The following SEMA3A variants were observed in gnomAD, a reference collection of about 807,000 sequenced individuals.
SEMA3A encodes semaphorin-3A.
A neutral mutation model predicts 97.9 loss-of-function variants in SEMA3A; 29 were observed. The observed-to-expected ratio is 0.30, with a 90% CI of 0.22 to 0.40. The LOEUF is 0.40. SEMA3A is among the 10% of genes least tolerant of loss of function. SEMA3A has a pLI of 1.00. For synonymous variants in SEMA3A, 321 were observed against 323.7 expected (o/e 0.99, Z 0.09); for missense variants, 763 against 951.3 (o/e 0.80, Z 2.60).
chr7:84,384,955 T>C (rs1029573244), intron 1 of SEMA3A, among the ~76,000 whole-genome samples: 1 of 152,028 alleles, frequency 6.6e-6, no homozygotes, highest in East Asian at 1.9e-4. Context: ...ATCTCCAAGA[T>C]CACCCAGAAC....
intron 9 of SEMA3A, among the ~76,000 whole-genome samples, chr7:84,008,393 A>G (rs1584539771): frequency 6.7e-6 from 1 of 149,800 alleles, no homozygotes; most frequent in East Asian, 2.1e-4. Context: ...CGGGAGGCTG[A>G]GGAAGGAGAA....
intron 6 of SEMA3A, among the ~76,000 whole-genome samples, chr7:84,017,466 T>G (rs1791153915): frequency 6.6e-6 from 1 of 152,112 alleles, no homozygotes; most frequent in Admixed American, 6.6e-5. Flanking sequence ...ACCAAATTCA[T>G]TAACACAGAA....
chr7:84,337,707 C>T (rs1228243049), intron 2 of SEMA3A, among the ~76,000 whole-genome samples: 2 of 152,108 alleles, frequency 1.3e-5, no homozygotes, highest in Admixed American at 6.6e-5. Context: ...GATAAAGAAT[C>T]TCCCTAGATC....
intron 1 of SEMA3A, among the ~76,000 whole-genome samples, chr7:84,388,884 T>G (rs1285758944): frequency 1.3e-5 from 2 of 152,048 alleles, no homozygotes; most frequent in African/African-American, 2.4e-5. Flanking sequence ...GCTTCGTTAG[T>G]ATGATTCTAA....
intron 3 of SEMA3A, among the ~76,000 whole-genome samples, chr7:84,115,634 G>A (rs1795400987): frequency 6.6e-6 from 1 of 152,090 alleles, no homozygotes; most frequent in African/African-American, 2.4e-5. Flanking sequence ...CAGGATGTGT[G>A]CCATTCATTT....
rs80181624 is a variant in SEMA3A at position 84,377,639 on chromosome 7, A to G, written c.-245-5739T>C. On this transcript the variant is annotated intron_variant, in intron 1 of 3. Coordinates refer to the SEMA3A transcript ENST00000424555. Reference sequence around the variant, plus strand: ...ATAAGGAATAAGGGACCCTGTTTGAAGCTAAGTAACTTGCCTGAGGTTGTA... The same window carrying G: ...ATAAGGAATAAGGGACCCTGTTTGAGGCTAAGTAACTTGCCTGAGGTTGTA... Among the ~76,000 whole-genome samples the G allele has an allele frequency of 0.014, 2,079 of 152,284 alleles. 81 individuals carry two copies. The East Asian group carries it at 0.16, about 11-fold the overall frequency.
chr7:84,210,461 A>G (rs1426978814), intron 3 of SEMA3A, among the ~76,000 whole-genome samples: 1 of 152,024 alleles, frequency 6.6e-6, no homozygotes, highest in Non-Finnish European at 1.5e-5. Flanking sequence ...AGTGCAGGAA[A>G]TGGGAACAAT....
chr7:84,026,917 A>AT (rs1157739528), intron 6 of SEMA3A, among the ~76,000 whole-genome samples: 1 of 152,102 alleles, frequency 6.6e-6, no homozygotes, highest in African/African-American at 2.4e-5. Flanking sequence ...TACCTGAGTG[A>AT]TGAAATAACC....
At chr7:84,051,159 G>C (rs1792622911) in intron 5 of SEMA3A, among the ~76,000 whole-genome samples, 1 of 148,432 alleles carries the variant, frequency 6.7e-6, no homozygotes, top group African/African-American at 2.5e-5. Context: ...CTCCAGCTTT[G>C]TTCTTTTGGC....
At chr7:84,412,515 G>A (rs995622805) in intron 1 of SEMA3A, among the ~76,000 whole-genome samples, 3 of 152,050 alleles carry the variant, frequency 2.0e-5, no homozygotes, top group African/African-American at 7.2e-5. Flanking sequence ...TCCCCCTAAA[G>A]CTCTTTCATT....
At chr7:84,380,393 A>C (rs1803226832) in intron 1 of SEMA3A, among the ~76,000 whole-genome samples, 1 of 152,208 alleles carries the variant, frequency 6.6e-6, no homozygotes, top group Admixed American at 6.5e-5. Context: ...CATGCACAGC[A>C]ATTCAGTAGA....
At chr7:84,008,137 A>C (rs772906978) in intron 9 of SEMA3A, among the ~76,000 whole-genome samples, 12 of 152,174 alleles carry the variant, frequency 7.9e-5, no homozygotes, top group Non-Finnish European at 1.6e-4. Flanking sequence ...ACTAAACAAA[A>C]ATTTTGTTCG....
chr7:84,400,482 A>T (rs1387994769), intron 1 of SEMA3A, among the ~76,000 whole-genome samples: 2 of 152,212 alleles, frequency 1.3e-5, no homozygotes. Flanking sequence ...GAGCCACAAA[A>T]TAATGAACAA....
chr7:84,369,271 CA>C (rs1464699729), intron 2 of SEMA3A, among the ~76,000 whole-genome samples: 2 of 150,648 alleles, frequency 1.3e-5, no homozygotes, highest in African/African-American at 4.9e-5. Context: ...CCTAATACAC[CA>C]AAGTGCATTA....
At chr7:84,463,794 C>T (rs1436967029) in intron 1 of SEMA3A, among the ~76,000 whole-genome samples, 1 of 151,892 alleles carries the variant, frequency 6.6e-6, no homozygotes, top group Non-Finnish European at 1.5e-5. Context: ...CCCACTTTTC[C>T]TCCCTCTTTC....
intron 6 of SEMA3A, among the ~76,000 whole-genome samples, chr7:84,033,973 TTTTTTG>T (rs1447211005): frequency 7.1e-6 from 1 of 139,870 alleles, no homozygotes; most frequent in African/African-American, 2.5e-5. Flanking sequence ...ACTTTGGCAA[TTTTTTG>T]TTTTTAATTT....
At chr7:84,416,382 G>A (rs1393535624) in intron 1 of SEMA3A, among the ~76,000 whole-genome samples, 2 of 152,094 alleles carry the variant, frequency 1.3e-5, no homozygotes, top group African/African-American at 2.4e-5. Context: ...GGAACTGTAA[G>A]TCCAATTAAA....
intron 1 of SEMA3A, among the ~76,000 whole-genome samples, chr7:84,477,075 T>A (rs74847751): frequency 0.11 from 10,526 of 98,552 alleles, 395 homozygotes; most frequent in East Asian, 0.38. Context: ...AAAAAAAAAA[T>A]ATATATATAT....
intron 12 of SEMA3A, among the ~76,000 whole-genome samples, chr7:83,999,650 T>C (rs1790360394): frequency 6.6e-6 from 1 of 152,108 alleles, no homozygotes; most frequent in Non-Finnish European, 1.5e-5. Flanking sequence ...TATCTACTAA[T>C]ATACATTTAT....
Sources: gnomAD v4.1 joint callset for allele counts (sites outside exome capture counted in the v4.1 genomes callset) on GRCh38, gnomAD v4.1.1 for gene constraint, MANE v1.5 for transcripts, NCBI Gene and HGNC (gene_info 2026-07-23, HGNC 2026-07-21) for gene names.